Variants in CNN1 observed in about 807,000 individuals in gnomAD.
CNN1 encodes calponin 1.
A neutral mutation model predicts 35.3 loss-of-function variants in CNN1; 21 were observed. That is an observed-to-expected ratio of 0.60 (90% confidence interval 0.42 to 0.86). CNN1 has a LOEUF of 0.86. CNN1 is among the 40% of genes least tolerant of loss of function. The pLI is 0.00. For synonymous variants in CNN1, 164 were observed against 161.8 expected (o/e 1.01, Z -0.10); for missense variants, 314 against 400.8 (o/e 0.78, Z 1.85).
chr19:11,549,430 C>T lies in CNN1; in HGVS notation c.609C>T (p.Thr203=). ...LGTDQPLDQA[T]ISLQMGTNKG... The stretch of plus-strand genomic sequence containing the variant: ...CAGACCAGCCTCTGGACCAGGCGAC[C>T]ATCAGCCTGCAGATGGGCACCAACA... Residue 203 remains threonine, a synonymous_variant, in exon 6 of 7, where the codon ACC becomes ACT. Transcript: ENST00000252456. The surrounding 1 kb of genome is among the most constrained non-coding windows in gnomAD (Gnocchi z 5.2). 4 of 1,613,858 alleles carry T rather than the reference C, an allele frequency of 2.5e-6. No homozygotes were observed. In the East Asian group the frequency reaches 8.9e-5, roughly 36 times the overall value.
At position 11,541,072 on chromosome 19, in the gene CNN1, C is replaced by T. The variant is rs1263375847; in HGVS notation, c.64-4C>T. 6.2e-7 allele frequency: 1 copy of T among 1,604,982 alleles called. No homozygotes were observed. On this transcript the variant is annotated splice_polypyrimidine_tract_variant and splice_region_variant and intron_variant, in intron 1 of 6. Transcript: ENST00000252456. ...CTGTGCCCCCTGCCCTCCCCTCGCC[C>T]CAGCTGGCCCAGAAGTATGACCACC...
At chr19:11,539,681 C>T (rs375277033) in intron 1 of CNN1, 1 of 686,730 alleles carries the variant, frequency 1.5e-6, no homozygotes, top group Non-Finnish European at 2.3e-6. Context: ...ACAGTATTGC[C>T]GAGGGAGGAG....
intron 2 of CNN1, among the ~76,000 whole-genome samples, chr19:11,544,883 C>T (rs73514624): frequency 0.025 from 3,816 of 151,808 alleles, 160 homozygotes; most frequent in African/African-American, 0.087. Context: ...TGGAACTGGA[C>T]GGTAACTTGA....
At chr19:11,539,741 C>G (rs1460413549) in intron 1 of CNN1, 1 of 1,023,112 alleles carries the variant, frequency 9.8e-7, no homozygotes, top group Non-Finnish European at 1.3e-6. Flanking sequence ...GGTGGCTTTT[C>G]CCAGGGTCCC....
At chr19:11,546,624 G>C (rs371876703) in intron 2 of CNN1, 51 bp from the exon 3 acceptor site, 1 of 1,605,022 alleles carries the variant, frequency 6.2e-7, no homozygotes, top group African/African-American at 1.3e-5. Context: ...GTGAGCCACC[G>C]TGCCCAACCC....
At chr19:11,546,571 T>G in intron 2 of CNN1, 104 bp from the exon 3 acceptor site, 2 of 1,175,212 alleles carry the variant, frequency 1.7e-6, no homozygotes, top group Non-Finnish European at 2.5e-6. Flanking sequence ...CCTGACCTCG[T>G]GATCCACCCG....
chr19:11,540,908 C>A (rs371456990), intron 1 of CNN1, among the ~76,000 whole-genome samples, 168 bp from the exon 2 acceptor site: 1 of 152,304 alleles, frequency 6.6e-6, no homozygotes, highest in African/African-American at 2.4e-5. Context: ...GCTCTCAGCC[C>A]GCCCCAGCCC....
intron 2 of CNN1, among the ~76,000 whole-genome samples, chr19:11,544,525 A>G (rs1346125215): frequency 1.3e-5 from 2 of 151,966 alleles, no homozygotes; most frequent in East Asian, 3.9e-4. Context: ...GGGCTGGAGT[A>G]CAGCGGTGCA....
intron 2 of CNN1, 26 bp downstream of exon 2, chr19:11,541,223 C>A (rs1972456411): frequency 6.5e-7 from 1 of 1,530,536 alleles, no homozygotes; most frequent in Non-Finnish European, 8.8e-7. Flanking sequence ...GAAGCCGAGA[C>A]CCTGCAACAT....
intron 1 of CNN1, chr19:11,539,800 G>A (rs1376111816): frequency 8.4e-7 from 1 of 1,184,488 alleles, no homozygotes; most frequent in Non-Finnish European, 1.1e-6. Context: ...GAGGGATCTC[G>A]GGGCTGGAGG....
At chr19:11,543,142 G>A (rs1019940273) in intron 2 of CNN1, among the ~76,000 whole-genome samples, 9 of 152,130 alleles carry the variant, frequency 5.9e-5, no homozygotes, top group African/African-American at 2.2e-4. Flanking sequence ...GTCAAACAGT[G>A]CAGTCCCAGC....
Position 11,547,869 on chromosome 19 carries a change from G to A in CNN1, c.463G>A (p.Gly155Arg). Reference protein sequence around the residue: ...AEKQERKFEPGKLREGRNIIG... With the variant: ...AEKQERKFEPRKLREGRNIIG... The stretch of plus-strand genomic sequence containing the variant: ...GAAGCAGGAGCGGAAATTCGAGCCG[G>A]GGAAGCTAAGAGAAGGGCGGAACAT... Residue 155 changes from glycine to arginine, a missense_variant, in exon 5 of 7, where the codon GGG (glycine) becomes AGG (arginine). By Grantham distance (125) the Gly-to-Arg change is moderately radical (BLOSUM62 -2). Coordinates refer to ENST00000252456, the MANE Select transcript of CNN1 (RefSeq NM_001299.6). 1 of 1,614,066 alleles carries A rather than the reference G, an allele frequency of 6.2e-7. No individual in the cohort carries two copies. Among genetic ancestry groups the A allele is most frequent in the Non-Finnish European group, 8.5e-7 (1 of 1,179,976 alleles).
rs145707739 is a variant in CNN1 at position 11,545,219 on chromosome 19, T to G, written c.186-1456T>G. On this transcript the variant is annotated intron_variant, in intron 2 of 6. Transcript: ENST00000252456. Reference sequence around the variant, plus strand: ...CCATCTCGGAAAAAAAAAAAAAAATTCTGGCTGCTGGATGAAGAAGGGTGG... The same window carrying G: ...CCATCTCGGAAAAAAAAAAAAAAATGCTGGCTGCTGGATGAAGAAGGGTGG... 4.2e-3 allele frequency among the ~76,000 whole-genome samples: 624 copies of G among 150,146 alleles called. 6 individuals carry two copies. The highest frequency in any genetic ancestry group is 0.014 in the African/African-American group (572 of 40,840).
At chr19:11,546,992 C>A in intron 4 of CNN1, 23 bp downstream of exon 4, 1 of 1,613,456 alleles carries the variant, frequency 6.2e-7, no homozygotes, top group Non-Finnish European at 8.5e-7. Context: ...GCAGGCTGGG[C>A]AGGGGGTGGT....
At chr19:11,539,522 T>C in intron 1 of CNN1, 1 of 1,135,400 alleles carries the variant, frequency 8.8e-7, no homozygotes, top group Non-Finnish European at 1.1e-6. Flanking sequence ...TTGGGTAAAC[T>C]GAGGTTCGGA....
chr19:11,546,805 C>T (rs1265627233), intron 3 of CNN1, 27 bp from the exon 4 acceptor site: 3 of 1,614,182 alleles, frequency 1.9e-6, no homozygotes, highest in South Asian at 2.2e-5. Context: ...CCTCCCCACC[C>T]AGTGACCACC....
chr19:11,543,727 G>A (rs1416955421), intron 2 of CNN1, among the ~76,000 whole-genome samples: 7 of 146,422 alleles, frequency 4.8e-5, no homozygotes, highest in African/African-American at 1.8e-4. Context: ...AGCTTGCAGT[G>A]AGCCGAGATC....
Position 11,547,778 on chromosome 19 carries a change from C to G in CNN1, c.391-19C>G. 1.2e-6 allele frequency: 2 copies of G among 1,608,318 alleles called. No homozygotes were observed. The highest frequency in any genetic ancestry group is 1.7e-6 in the Non-Finnish European group (2 of 1,175,876). The stretch of plus-strand genomic sequence containing the variant: ...CTGGAGGCCCCCTTGTCAGTCCCTG[C>G]TTTCCCTGCCCCACCTAGGCGAAGA... On this transcript the variant is annotated intron_variant, in intron 4 of 6. Transcript: ENST00000252456.
At chr19:11,540,164 T>C in intron 1 of CNN1, 3 of 586,892 alleles carry the variant, frequency 5.1e-6, no homozygotes, top group Non-Finnish European at 6.3e-6. Flanking sequence ...GGGGGGACAG[T>C]GGAGAGAGGG....
Sources: gnomAD v4.1 joint callset for allele counts (sites outside exome capture counted in the v4.1 genomes callset) on GRCh38, gnomAD v4.1.1 for gene constraint, Gnocchi (gnomAD v3.1) non-coding constraint, MANE v1.5 for transcripts, NCBI Gene and HGNC (gene_info 2026-07-23, HGNC 2026-07-21) for gene names.